The following ASB3 variants were observed in gnomAD, a reference collection of about 807,000 sequenced individuals.
The protein encoded by ASB3 is ankyrin repeat and SOCS box containing 3.
ASB3 carries 41 observed loss-of-function variants against 54.5 expected under a neutral mutation model. The observed-to-expected ratio is 0.75, with a 90% confidence interval of 0.59 to 0.98. ASB3 has a LOEUF of 0.98. ASB3 is among the 50% of genes least tolerant of loss of function. The pLI, the probability that ASB3 is intolerant of heterozygous loss-of-function variation, is 0.00. For synonymous variants in ASB3, 266 were observed against 221.2 expected, an observed-to-expected ratio of 1.20 and a Z score of -1.80; for missense variants, 733 against 620.0, an observed-to-expected ratio of 1.18 and a Z score of -1.94.
intron 5 of ASB3, among the ~76,000 whole-genome samples, chr2:53,722,928 T>TA (rs2087373752): frequency 6.6e-6 from 1 of 152,158 alleles, no homozygotes; most frequent in African/African-American, 2.4e-5. Context: ...TATGATTCTA[T>TA]ACCAAGAAAA....
intron 9 of ASB3, among the ~76,000 whole-genome samples, chr2:53,671,353 CGT>C (rs142473697): frequency 0.11 from 15,120 of 142,428 alleles, 740 homozygotes; most frequent in East Asian, 0.19. Context: ...GAACCCAAAG[CGT>C]GTGTGTGTGT....
At chr2:53,767,754 G>T (rs892924027) in intron 1 of ASB3, 2 of 1,036,722 alleles carry the variant, frequency 1.9e-6, no homozygotes, top group African/African-American at 1.6e-5. Context: ...AACTCCCAGT[G>T]CGCTTTGCGC....
Position 53,669,988 on chromosome 2 carries a change from C to T in ASB3, c.*515G>A, listed in dbSNP as rs1416001809. 1 of 112,608 alleles carries T rather than the reference C, an allele frequency of 8.9e-6. No homozygotes were observed. Among genetic ancestry groups the T allele is most frequent in the African/African-American group, 3.3e-5 (1 of 29,886 alleles). 7.0% of individuals were successfully genotyped at this position (112,608 alleles called of 1,614,324 possible). On this transcript the variant is annotated 3_prime_UTR_variant, in exon 10 of 10. Coordinates refer to ENST00000263634, the MANE Select transcript of ASB3 (RefSeq NM_016115.5). ...AAAAAAAAGCAACTGAATAGGAAAA[C>T]ATGTTCTTTAATAAACATAAGAGAT...
intron 1 of ASB3, among the ~76,000 whole-genome samples, chr2:53,766,327 T>C (rs1370946348): frequency 6.6e-6 from 1 of 152,220 alleles, no homozygotes; most frequent in South Asian, 2.1e-4. Flanking sequence ...CAGAGTCCAG[T>C]ATAGCTCTCA....
At chr2:53,670,968 T>C (rs1185570651) in intron 9 of ASB3, among the ~76,000 whole-genome samples, 2 of 152,236 alleles carry the variant, frequency 1.3e-5, no homozygotes, top group East Asian at 1.9e-4. Context: ...TGTTAATACC[T>C]GCACTTAAGA....
rs1669051520 is a variant in ASB3 at position 53,693,976 on chromosome 2, A to G, written c.1277T>C (p.Leu426Ser). ...SVSIDTLIFTLEFTNWKTLAP... is the reference protein window; with the variant it reads ...SVSIDTLIFTSEFTNWKTLAP... ...AAGTGTCTTCCAATTAGTAAACTCC[A>G]AAGTGAAGATAAGGGTGTCAATGCT... Residue 426 changes from leucine to serine, a missense_variant, in exon 9 of 10, where the codon TTG becomes TCG. Transcript: ENST00000263634. 1.2e-6 allele frequency: 2 copies of G among 1,613,594 alleles called. No homozygotes were observed. The highest frequency in any genetic ancestry group is 8.5e-7 in the Non-Finnish European group (1 of 1,179,594).
intron 1 of ASB3, chr2:53,774,759 A>C: frequency 2.8e-6 from 1 of 355,914 alleles, no homozygotes; most frequent in Non-Finnish European, 5.0e-6. Flanking sequence ...ACTAGAAGTG[A>C]GTTCTTTAGA....
intron 7 of ASB3, among the ~76,000 whole-genome samples, chr2:53,710,903 G>C (rs966982807): frequency 6.6e-6 from 1 of 151,978 alleles, no homozygotes; most frequent in Admixed American, 6.6e-5. Context: ...AAGGCAGGGA[G>C]ATCACCTGAG....
intron 9 of ASB3, among the ~76,000 whole-genome samples, chr2:53,687,183 G>C (rs1668674809): frequency 6.6e-6 from 1 of 152,114 alleles, no homozygotes; most frequent in Non-Finnish European, 1.5e-5. Flanking sequence ...AAGAGGCTAT[G>C]TGAAGTTAAA....
At chr2:53,691,920 G>C (rs1439004867) in intron 9 of ASB3, among the ~76,000 whole-genome samples, 4 of 152,192 alleles carry the variant, frequency 2.6e-5, no homozygotes, top group Non-Finnish European at 5.9e-5. Context: ...TTGTAACAAG[G>C]AGAGGGATAA....
At chr2:53,721,358 C>T in intron 5 of ASB3, among the ~76,000 whole-genome samples, 1 of 143,092 alleles carries the variant, frequency 7.0e-6, no homozygotes, top group Non-Finnish European at 1.5e-5. Flanking sequence ...AGTTCGAGAC[C>T]AGCCTGGAAA....
chr2:53,761,094 G>C (rs1052245885), intron 2 of ASB3, among the ~76,000 whole-genome samples: 9 of 152,118 alleles, frequency 5.9e-5, no homozygotes, highest in Non-Finnish European at 7.4e-5. Flanking sequence ...CTGTTGAGAG[G>C]GGGGACTGAG....
intron 7 of ASB3, 99 bp from the exon 8 acceptor site, chr2:53,700,627 T>A: frequency 1.4e-6 from 2 of 1,435,928 alleles, no homozygotes; most frequent in Non-Finnish European, 1.8e-6. Flanking sequence ...GGGGAATAAG[T>A]ATGGCAGATT....
intron 8 of ASB3, among the ~76,000 whole-genome samples, chr2:53,698,793 T>A (rs1669324352): frequency 6.6e-6 from 1 of 152,256 alleles, no homozygotes; most frequent in African/African-American, 2.4e-5. Context: ...GAGACTTTCC[T>A]AGTCTTCTCA....
intron 9 of ASB3, among the ~76,000 whole-genome samples, chr2:53,680,336 T>G (rs180736248): frequency 6.6e-6 from 1 of 152,202 alleles, no homozygotes; most frequent in African/African-American, 2.4e-5. Flanking sequence ...TTCCCAACGG[T>G]TGAAGTAGTT....
intron 1 of ASB3, chr2:53,768,142 C>T: frequency 1.8e-6 from 2 of 1,137,676 alleles, no homozygotes; most frequent in Non-Finnish European, 2.4e-6. Flanking sequence ...AAGCACATGG[C>T]TTGGGGTAAC....
chr2:53,774,540 A>T, intron 1 of ASB3: 1 of 1,504,846 alleles, frequency 6.6e-7, no homozygotes, highest in Non-Finnish European at 8.9e-7. Flanking sequence ...GTCTTCAGAG[A>T]ATTAACTTCA....
At chr2:53,676,024 A>G (rs6713107) in intron 9 of ASB3, among the ~76,000 whole-genome samples, 70,745 of 151,932 alleles carry the variant, frequency 0.47, 16,908 homozygotes, top group East Asian at 0.63. Flanking sequence ...GCTATTTATC[A>G]CCAAGAAAGA....
intron 2 of ASB3, among the ~76,000 whole-genome samples, chr2:53,764,798 A>G (rs1374076843): frequency 6.6e-6 from 1 of 152,216 alleles, no homozygotes; most frequent in African/African-American, 2.4e-5. Context: ...ATTTTTGTCT[A>G]TCCCATCTGT....
Sources: allele counts gnomAD v4.1 joint callset (sites outside exome capture counted in the v4.1 genomes callset), GRCh38; gene constraint gnomAD v4.1.1; transcripts MANE v1.5; gene names NCBI Gene and HGNC (gene_info 2026-07-23, HGNC 2026-07-21).